The following CNOT6L variants were observed in gnomAD, a reference collection of about 807,000 sequenced individuals.
CNOT6L encodes the protein CCR4-NOT transcription complex subunit 6 like, also known as CCR4-NOT transcription complex subunit 6-like.
In CNOT6L, 7 loss-of-function variants were observed where a neutral mutation model predicts 64.0. That is an observed-to-expected ratio of 0.11 (90% CI 0.06 to 0.21). The LOEUF is 0.21. CNOT6L is among the 10% of genes least tolerant of loss of function. The pLI is 1.00. For missense variants in CNOT6L, 245 were observed against 669.0 expected, an observed-to-expected ratio of 0.37 and a Z score of 6.99; for synonymous variants, 193 against 243.4, an observed-to-expected ratio of 0.79 and a Z score of 1.93.
intron 1 of CNOT6L, among the ~76,000 whole-genome samples, chr4:77,815,323 G>A (rs1414551308): frequency 2.6e-5 from 4 of 152,090 alleles, no homozygotes; most frequent in Non-Finnish European, 4.4e-5. Context: ...ACCCACTAAA[G>A]GTTACAGAAT....
At chr4:77,752,019 A>C (rs1219607412) in intron 5 of CNOT6L, among the ~76,000 whole-genome samples, 1 of 152,180 alleles carries the variant, frequency 6.6e-6, no homozygotes, top group African/African-American at 2.4e-5. Context: ...AAAAATATTA[A>C]AAAATTAGCC....
chr4:77,716,843 C>G lies in CNOT6L; in HGVS notation c.*3588G>C, dbSNP rs1577909062. 1 of 152,402 alleles carries G rather than the reference C, an allele frequency of 6.6e-6. No homozygotes were observed. Among genetic ancestry groups the G allele is most frequent in the African/African-American group, 2.4e-5 (1 of 41,380 alleles). The allele number at this position is 152,402 out of a possible 1,614,324, so 9.4% of individuals were successfully genotyped here. A position where few individuals can be genotyped will look rare whatever the true frequency, so the allele number is the denominator to read the frequency against. On this transcript the variant is annotated 3_prime_UTR_variant, in exon 12 of 12. Transcript: ENST00000504123. ...GGATGCTAATTAGTAAAATTAAATACCTGCCTATGAATATCAGAAAAGTAA... is the reference window on the plus strand; with the variant it reads ...GGATGCTAATTAGTAAAATTAAATAGCTGCCTATGAATATCAGAAAAGTAA...
intron 1 of CNOT6L, among the ~76,000 whole-genome samples, chr4:77,811,485 T>C (rs1732933417): frequency 6.6e-6 from 1 of 152,098 alleles, no homozygotes; most frequent in Non-Finnish European, 1.5e-5. Context: ...AGGCGGAGGT[T>C]GCAGTGAGCT....
At chr4:77,730,738 C>G (rs553634458) in intron 9 of CNOT6L, among the ~76,000 whole-genome samples, 1 of 151,982 alleles carries the variant, frequency 6.6e-6, no homozygotes, top group African/African-American at 2.4e-5. Flanking sequence ...TAATCTTTTC[C>G]TCTACAAAAA....
At chr4:77,762,700 T>C (rs1726379126) in intron 4 of CNOT6L, among the ~76,000 whole-genome samples, 1 of 152,172 alleles carries the variant, frequency 6.6e-6, no homozygotes, top group African/African-American at 2.4e-5. Flanking sequence ...CTCAAACACA[T>C]TATGCTAAAC....
At chr4:77,797,102 C>CAAAAA (rs386400560) in intron 1 of CNOT6L, among the ~76,000 whole-genome samples, 13,474 of 52,816 alleles carry the variant, frequency 0.26, 4,292 homozygotes, top group East Asian at 0.42. Context: ...GACCTTGTCT[C>CAAAAA]AAAAAAAAAA....
At chr4:77,754,912 A>AAAAAAAAAAAAAAAAAAAAAAAAG (rs1725335775) in intron 5 of CNOT6L, among the ~76,000 whole-genome samples, 1 of 144,232 alleles carries the variant, frequency 6.9e-6, no homozygotes, top group Non-Finnish European at 1.5e-5. Flanking sequence ...AAAAAAAAAA[A>AAAAAAAAAAAAAAAAAAAAAAAAG]ACCGGTTTCT....
At chr4:77,795,537 C>T (rs1730733057) in intron 1 of CNOT6L, among the ~76,000 whole-genome samples, 1 of 152,070 alleles carries the variant, frequency 6.6e-6, no homozygotes, top group Non-Finnish European at 1.5e-5. Flanking sequence ...GTTCTTAAGA[C>T]AGCTGGTTAT....
intron 1 of CNOT6L, among the ~76,000 whole-genome samples, chr4:77,807,342 C>T: frequency 6.7e-6 from 1 of 149,350 alleles, no homozygotes; most frequent in Admixed American, 6.7e-5. Flanking sequence ...CTCAGGAATG[C>T]AAGGTCAGCC....
At chr4:77,731,607 C>G in intron 8 of CNOT6L, 69 bp from the exon 9 acceptor site, 1 of 1,134,232 alleles carries the variant, frequency 8.8e-7, no homozygotes, top group South Asian at 1.6e-5. Flanking sequence ...ATGAAAGAAA[C>G]ATGACATGCA....
At chr4:77,767,546 T>C (rs1224736309) in intron 4 of CNOT6L, among the ~76,000 whole-genome samples, 3 of 152,100 alleles carry the variant, frequency 2.0e-5, no homozygotes, top group Non-Finnish European at 4.4e-5. Context: ...ACATGGTTAA[T>C]ACACAAGAGA....
At position 77,742,146 on chromosome 4, in the gene CNOT6L, T is replaced by C; in HGVS notation, c.867A>G (p.Thr289=). ...HVDGCAIFFK[T]EKFTLVQKHT... The stretch of plus-strand genomic sequence containing the variant: ...GCTTTGTTTCCTTAACTTACTTTTC[T>C]GTTTTGAAGAATATTGCACAACCAT... The change falls in exon 8 of 12, where the codon ACA becomes ACG. Residue 289 remains threonine (T), a synonymous_variant. Transcript: ENST00000504123. 7 of 1,612,492 alleles carry C rather than the reference T, an allele frequency of 4.3e-6. No individual in the cohort carries two copies. The highest frequency in any genetic ancestry group is 5.9e-6 in the Non-Finnish European group (7 of 1,179,148).
chr4:77,730,147 C>A (rs1387248314), intron 9 of CNOT6L, among the ~76,000 whole-genome samples: 1 of 151,996 alleles, frequency 6.6e-6, no homozygotes, highest in Non-Finnish European at 1.5e-5. Flanking sequence ...TTTTCTAAGT[C>A]TACTAGTTTG....
intron 9 of CNOT6L, among the ~76,000 whole-genome samples, 187 bp from the exon 10 acceptor site, chr4:77,729,268 A>G (rs1022334697): frequency 9.2e-5 from 14 of 152,184 alleles, no homozygotes; most frequent in African/African-American, 2.9e-4. Flanking sequence ...TAATCCTACT[A>G]TGGGAATTAC....
intron 1 of CNOT6L, among the ~76,000 whole-genome samples, chr4:77,808,449 G>A (rs1168004738): frequency 7.0e-6 from 1 of 141,932 alleles, no homozygotes; most frequent in Non-Finnish European, 1.5e-5. Flanking sequence ...GTGAGAGTGG[G>A]ACTCTGCCAT....
chr4:77,753,451 GC>G (rs1725079836), intron 5 of CNOT6L, among the ~76,000 whole-genome samples: 1 of 151,960 alleles, frequency 6.6e-6, no homozygotes, highest in South Asian at 2.1e-4. Context: ...TGAGCTGATT[GC>G]TTGAGGTCAG....
intron 11 of CNOT6L, 72 bp downstream of exon 11, chr4:77,726,095 G>T (rs773682070): frequency 7.5e-7 from 1 of 1,331,226 alleles, no homozygotes; most frequent in South Asian, 1.2e-5. Context: ...TAATCATAAA[G>T]AATTTACACC....
Position 77,720,233 on chromosome 4 carries a change from G to C in CNOT6L, c.*198C>G. 1 of 533,678 alleles carries C rather than the reference G, an allele frequency of 1.9e-6. No homozygotes were observed. Among genetic ancestry groups the C allele is most frequent in the Non-Finnish European group, 3.3e-6 (1 of 300,552 alleles). 33.1% of individuals were successfully genotyped at this position (533,678 alleles called of 1,614,324 possible). Reference sequence around the variant, plus strand: ...ATGTTAAATTAAAATTTTGTAAAGAGAGTAATACTTTGGTTCCAGCCCTAC... The same window carrying C: ...ATGTTAAATTAAAATTTTGTAAAGACAGTAATACTTTGGTTCCAGCCCTAC... On this transcript the variant is annotated 3_prime_UTR_variant, in exon 12 of 12. Coordinates refer to ENST00000504123, the MANE Select transcript of CNOT6L (RefSeq NM_144571.3).
intron 1 of CNOT6L, among the ~76,000 whole-genome samples, chr4:77,796,476 C>T (rs1418067287): frequency 6.6e-6 from 1 of 152,102 alleles, no homozygotes; most frequent in African/African-American, 2.4e-5. Flanking sequence ...TACACTCTCT[C>T]TCCTGCTCTG....
Sources: allele counts gnomAD v4.1 joint callset (sites outside exome capture counted in the v4.1 genomes callset), GRCh38; gene constraint gnomAD v4.1.1; transcripts MANE v1.5; gene names NCBI Gene and HGNC (gene_info 2026-07-23, HGNC 2026-07-21).